Variants in CUBN observed in about 807,000 individuals in gnomAD.
CUBN encodes the protein 460 kDa receptor.
A neutral mutation model predicts 405.3 loss-of-function variants in CUBN; 282 were observed. That is an observed-to-expected ratio of 0.70 (90% CI 0.63 to 0.77). CUBN has a LOEUF of 0.77. Ranked by LOEUF, CUBN falls within the 30% of genes least tolerant of loss-of-function variation. The probability of loss-of-function intolerance (pLI) is 0.00; values close to 1 mark genes in which losing one functional copy is unlikely to be tolerated. For synonymous variants in CUBN, 1,684 were observed against 1,617.0 expected (o/e 1.04, Z -0.99); for missense variants, 4,514 against 4,475.2 (o/e 1.01, Z -0.25).
At chr10:17,074,700 T>A (rs538267495) in intron 17 of CUBN, among the ~76,000 whole-genome samples, 4 of 152,326 alleles carry the variant, frequency 2.6e-5, no homozygotes, top group South Asian at 2.1e-4. Flanking sequence ...TCATAGCAAT[T>A]TGGGGTCCAG....
At chr10:17,073,395 G>T (rs1390032882) in intron 17 of CUBN, among the ~76,000 whole-genome samples, 1 of 150,668 alleles carries the variant, frequency 6.6e-6, no homozygotes, top group Non-Finnish European at 1.5e-5. Flanking sequence ...AGAAAAAAAA[G>T]GAATTTCCTT....
intron 60 of CUBN, among the ~76,000 whole-genome samples, chr10:16,848,015 A>T (rs1839569701): frequency 6.6e-6 from 1 of 152,248 alleles, no homozygotes; most frequent in Admixed American, 6.5e-5. Context: ...TGGTAGTTGG[A>T]AACGTTGCCA....
chr10:16,854,359 T>C (rs940085488), intron 59 of CUBN, among the ~76,000 whole-genome samples: 3 of 152,220 alleles, frequency 2.0e-5, no homozygotes, highest in Admixed American at 1.3e-4. Flanking sequence ...TGCTGGATTA[T>C]ACAGAGTTTG....
At chr10:17,061,583 C>T (rs1257678270) in intron 22 of CUBN, among the ~76,000 whole-genome samples, 2 of 152,182 alleles carry the variant, frequency 1.3e-5, no homozygotes, top group Admixed American at 6.5e-5. Context: ...CTCTTCTGAG[C>T]TCATTCCAGG....
rs754126339 is a variant in CUBN, at chr10:17,068,092, C to A, written c.2980G>T (p.Asp994Tyr). 66 of 1,613,098 alleles carry A rather than the reference C, an allele frequency of 4.1e-5. No homozygotes were observed. Among genetic ancestry groups the A allele is most frequent in the Non-Finnish European group, 5.2e-5 (61 of 1,179,336 alleles). ...NCTNDYLEVY[D>Y]TDSETSLGRY... The stretch of plus-strand genomic sequence containing the variant: ...CCAAGGGATGTCTCAGAGTCGGTGT[C>A]ATAAACTTCCAAGTAGTCGTTTGTG... Residue 994 changes from aspartate to tyrosine, a missense_variant, in exon 21 of 67, where the codon GAC becomes TAC. Coordinates refer to ENST00000377833, the MANE Select transcript of CUBN (RefSeq NM_001081.4).
intron 28 of CUBN, among the ~76,000 whole-genome samples, chr10:16,999,570 T>C (rs1439361832): frequency 2.6e-5 from 4 of 152,196 alleles, no homozygotes; most frequent in Non-Finnish European, 5.9e-5. Flanking sequence ...AAACAAAGTT[T>C]AGTATAAAAA....
At chr10:16,918,826 A>T (rs376069092) in intron 44 of CUBN, 26 bp from the exon 45 acceptor site, 1 of 1,603,786 alleles carries the variant, frequency 6.2e-7, no homozygotes, top group Non-Finnish European at 8.5e-7. Flanking sequence ...AATTCTGTTA[A>T]ATTTACATGG....
intron 48 of CUBN, among the ~76,000 whole-genome samples, chr10:16,909,767 A>G (rs1316667685): frequency 1.3e-5 from 2 of 152,192 alleles, no homozygotes; most frequent in African/African-American, 4.8e-5. Flanking sequence ...GTACTTAGAA[A>G]CTACAACTCT....
intron 43 of CUBN, among the ~76,000 whole-genome samples, chr10:16,920,966 C>G (rs1842016629): frequency 1.3e-5 from 2 of 152,284 alleles, no homozygotes; most frequent in Non-Finnish European, 1.5e-5. Context: ...ATTGCAAATC[C>G]CTTTGATGAG....
chr10:17,043,994 A>G lies in CUBN; in HGVS notation c.3673-11T>C, dbSNP rs1406501375. ...TGGGCCATCATATACCTTTAAGAAA[A>G]TATTTTGAATGTTAGATGGTTGAGA... On this transcript the variant is annotated splice_polypyrimidine_tract_variant and intron_variant, in intron 25 of 66. Coordinates refer to ENST00000377833, the MANE Select transcript of CUBN (RefSeq NM_001081.4). 5.6e-6 allele frequency: 9 copies of G among 1,609,996 alleles called. No individual in the cohort carries two copies. Among genetic ancestry groups the G allele is most frequent in the Non-Finnish European group, 6.8e-6 (8 of 1,177,284 alleles).
At position 17,076,187 on chromosome 10, in the gene CUBN, G is replaced by GA. The variant is rs1391998650; in HGVS notation, c.2302-4217dup. On this transcript the variant is annotated intron_variant, in intron 17 of 66. Coordinates refer to ENST00000377833, the MANE Select transcript of CUBN (RefSeq NM_001081.4). The stretch of plus-strand genomic sequence containing the variant: ...TGAAATTCAAGGATTTTAACAAGGA[G>GA]AAAGGCAGCTGTAGTCCAAATGTTT... 4.6e-5 allele frequency among the ~76,000 whole-genome samples: 7 copies of GA among 152,248 alleles called. No homozygotes were observed. In the East Asian group the frequency reaches 1.4e-3, roughly 29 times the overall value.
At chr10:17,050,198 T>A (rs562772827) in intron 22 of CUBN, among the ~76,000 whole-genome samples, 3 of 152,334 alleles carry the variant, frequency 2.0e-5, no homozygotes, top group Admixed American at 6.5e-5. Flanking sequence ...GGTTCTTTAA[T>A]ATTTTTTTAA....
At chr10:16,993,535 C>CT (rs143145001) in intron 28 of CUBN, among the ~76,000 whole-genome samples, 18,221 of 152,102 alleles carry the variant, frequency 0.12, 1,385 homozygotes, top group Non-Finnish European at 0.17. Context: ...CCCACAATGT[C>CT]TTTTTTCCTA....
chr10:17,127,959 C>T (rs771208348), intron 2 of CUBN, 35 bp from the exon 3 acceptor site: 1 of 1,368,008 alleles, frequency 7.3e-7, no homozygotes, highest in Non-Finnish European at 1.0e-6. Context: ...ATGAAGAGCA[C>T]TAGTGAAAAT....
At chr10:17,098,678 C>A (rs1275299878) in intron 14 of CUBN, among the ~76,000 whole-genome samples, 3 of 151,892 alleles carry the variant, frequency 2.0e-5, no homozygotes, top group African/African-American at 7.3e-5. Context: ...TTAAAAAATC[C>A]AAAAGAATCT....
chr10:17,106,304 TATAATA>T (rs987340452), intron 10 of CUBN, among the ~76,000 whole-genome samples: 1 of 145,470 alleles, frequency 6.9e-6, no homozygotes, highest in Admixed American at 6.9e-5. Context: ...ATTTTTTAAT[TATAATA>T]ATAATAATAC....
intron 59 of CUBN, among the ~76,000 whole-genome samples, chr10:16,852,595 G>A (rs1376700720): frequency 6.6e-6 from 1 of 152,128 alleles, no homozygotes; most frequent in Non-Finnish European, 1.5e-5. Context: ...TATTCACGGA[G>A]TTGCTGAAAG....
At position 17,114,961 on chromosome 10, in the gene CUBN, C is replaced by T. The variant is rs113758460; in HGVS notation, c.720+510G>A. On this transcript the variant is annotated intron_variant, in intron 7 of 66. Transcript: ENST00000377833. Reference sequence around the variant, plus strand: ...CGGGATAATAAAAATGGTCCCATTTCGGCCGGGCACGGTGGCTCATGCCTG... The same window carrying T: ...CGGGATAATAAAAATGGTCCCATTTTGGCCGGGCACGGTGGCTCATGCCTG... Among the ~76,000 whole-genome samples the T allele has an allele frequency of 1.4e-4, 21 of 152,262 alleles. 1 individual carries two copies. The South Asian group carries it at 1.5e-3, about 11-fold the overall frequency.
rs746253675 is a variant in CUBN, at chr10:16,937,654, C to A, written c.5864G>T (p.Gly1955Val). 1 of 1,613,902 alleles carries A rather than the reference C, an allele frequency of 6.2e-7. No homozygotes were observed. Among genetic ancestry groups the A allele is most frequent in the Non-Finnish European group, 8.5e-7 (1 of 1,179,998 alleles). ...CACTGCAAACCACTCCAGAAGGAAT[C>A]CCTTCCCTGAGATTGAAGAGTCGGA... ...FYSDSSISGK[G>V]FLLEWFAVDA... The change falls in exon 39 of 67, where the codon GGA becomes GTA. Residue 1955 changes from glycine (G) to valine (V), a missense_variant. By Grantham distance (109) the Gly-to-Val change is moderately radical (BLOSUM62 -3). Transcript: ENST00000377833.
Sources: gnomAD v4.1 joint callset for allele counts (sites outside exome capture counted in the v4.1 genomes callset) on GRCh38, gnomAD v4.1.1 for gene constraint, MANE v1.5 for transcripts, NCBI Gene and HGNC (gene_info 2026-07-23, HGNC 2026-07-21) for gene names.